NBEA: variants seen among roughly 807,000 people sequenced by gnomAD.
NBEA encodes neurobeachin, also known as lysosomal-trafficking regulator 2.
In NBEA, 44 loss-of-function variants were observed where a neutral mutation model predicts 343.4. The ratio of observed to expected loss-of-function variants is 0.13; its 90% CI spans 0.10 to 0.16. NBEA has a LOEUF of 0.16. Among genes scored for constraint, NBEA ranks in the 10% least tolerant of loss-of-function variants. The pLI, the probability that NBEA is intolerant of heterozygous loss-of-function variation, is 1.00. For missense variants in NBEA, 2,555 were observed against 3,631.3 expected, an observed-to-expected ratio of 0.70 and a Z score of 7.62; for synonymous variants, 1,175 against 1,238.7, an observed-to-expected ratio of 0.95 and a Z score of 1.08.
chr13:35,494,681 A>G (rs1159738985), intron 41 of NBEA, among the ~76,000 whole-genome samples: 1 of 152,050 alleles, frequency 6.6e-6, no homozygotes, highest in Non-Finnish European at 1.5e-5. Context: ...ATCCAACCAT[A>G]TCAATAATAG....
At chr13:35,443,210 A>G (rs2045834191) in intron 39 of NBEA, among the ~76,000 whole-genome samples, 1 of 152,052 alleles carries the variant, frequency 6.6e-6, no homozygotes, top group Admixed American at 6.6e-5. Flanking sequence ...CTAAAGACGT[A>G]ATATTTATAT....
At chr13:35,587,398 T>C (rs181362822) in intron 46 of NBEA, among the ~76,000 whole-genome samples, 57 of 152,100 alleles carry the variant, frequency 3.7e-4, no homozygotes, top group African/African-American at 1.2e-3. Flanking sequence ...AACTAGAGAT[T>C]TTCACCCTGG....
chr13:35,502,243 TTTTG>T (rs1477806978), intron 41 of NBEA, among the ~76,000 whole-genome samples: 1 of 152,098 alleles, frequency 6.6e-6, no homozygotes, highest in Non-Finnish European at 1.5e-5. Context: ...TATAAAAAAT[TTTTG>T]TTTATTTTCT....
chr13:35,659,441 A>G (rs2084966482), intron 55 of NBEA, among the ~76,000 whole-genome samples: 1 of 152,262 alleles, frequency 6.6e-6, no homozygotes, highest in Admixed American at 6.5e-5. Flanking sequence ...TGTAATAGAT[A>G]GCTCTATTAA....
At chr13:35,302,510 G>A (rs2036621910) in intron 35 of NBEA, among the ~76,000 whole-genome samples, 1 of 152,120 alleles carries the variant, frequency 6.6e-6, no homozygotes, top group South Asian at 2.1e-4. Flanking sequence ...AATATTAGGT[G>A]GAACCACTTT....
intron 41 of NBEA, among the ~76,000 whole-genome samples, chr13:35,478,017 G>T (rs1424891611): frequency 6.6e-6 from 1 of 152,032 alleles, no homozygotes; most frequent in Non-Finnish European, 1.5e-5. Flanking sequence ...TAATTTAGAT[G>T]CCACGTCTTT....
intron 40 of NBEA, among the ~76,000 whole-genome samples, chr13:35,454,877 A>C (rs577538703): frequency 6.6e-6 from 1 of 152,030 alleles, no homozygotes; most frequent in Admixed American, 6.6e-5. Context: ...TAAATAAAAA[A>C]TAAATAAAAA....
chr13:35,286,802 G>C (rs1187362401), intron 34 of NBEA, among the ~76,000 whole-genome samples: 1 of 151,768 alleles, frequency 6.6e-6, no homozygotes. Flanking sequence ...GTTTTATCTT[G>C]TTTTTTAGTG....
At chr13:35,319,289 T>G (rs1480069903) in intron 36 of NBEA, among the ~76,000 whole-genome samples, 1 of 152,226 alleles carries the variant, frequency 6.6e-6, no homozygotes, top group Non-Finnish European at 1.5e-5. Context: ...GAGATTCTGG[T>G]ACATTGTGTC....
chr13:35,001,898 C>T (rs2061154448), intron 1 of NBEA, among the ~76,000 whole-genome samples: 1 of 152,048 alleles, frequency 6.6e-6, no homozygotes, highest in Admixed American at 6.6e-5. Flanking sequence ...ACATTGTATG[C>T]ATTGAAATAT....
At chr13:35,391,583 G>T (rs1293742293) in intron 38 of NBEA, among the ~76,000 whole-genome samples, 1 of 152,148 alleles carries the variant, frequency 6.6e-6, no homozygotes, top group African/African-American at 2.4e-5. Context: ...TTGCTTAAAA[G>T]AATGTTATAC....
intron 37 of NBEA, among the ~76,000 whole-genome samples, chr13:35,350,729 T>C (rs190181523): frequency 2.2e-3 from 25 of 11,236 alleles, no homozygotes; most frequent in East Asian, 0.019. Flanking sequence ...GAGCTATTGA[T>C]GTGTGTGTGT....
At chr13:35,199,610 C>T (rs2072875938) in intron 31 of NBEA, among the ~76,000 whole-genome samples, 1 of 152,000 alleles carries the variant, frequency 6.6e-6, no homozygotes, top group Non-Finnish European at 1.5e-5. Context: ...TTATACTTAT[C>T]CTGGATTTTA....
At chr13:35,158,239 C>T (rs1385354654) in intron 21 of NBEA, among the ~76,000 whole-genome samples, 2 of 151,880 alleles carry the variant, frequency 1.3e-5, no homozygotes, top group African/African-American at 4.8e-5. Flanking sequence ...GGATGGTCCC[C>T]CCAATCTAAA....
At chr13:35,644,522 C>G (rs2084125231) in intron 49 of NBEA, among the ~76,000 whole-genome samples, 1 of 152,188 alleles carries the variant, frequency 6.6e-6, no homozygotes, top group Non-Finnish European at 1.5e-5. Flanking sequence ...GTGCAAGACA[C>G]TGATCTAGAG....
chr13:35,384,195 G>C (rs1174824796), intron 38 of NBEA, among the ~76,000 whole-genome samples: 3 of 152,162 alleles, frequency 2.0e-5, no homozygotes, highest in African/African-American at 7.2e-5. Flanking sequence ...TTAATTTTCA[G>C]ATGCTAATAT....
At chr13:35,354,218 A>T (rs1389027502) in intron 38 of NBEA, among the ~76,000 whole-genome samples, 1 of 152,180 alleles carries the variant, frequency 6.6e-6, no homozygotes, top group African/African-American at 2.4e-5. Context: ...CACTAACAAT[A>T]ACCTGAGCAT....
chr13:35,331,496 A>G (rs563279071), intron 36 of NBEA, among the ~76,000 whole-genome samples: 130 of 152,156 alleles, frequency 8.5e-4, no homozygotes, highest in African/African-American at 3.1e-3. Context: ...TCTGTAATCT[A>G]TATATAATGA....
chr13:35,141,090 C>G (rs2068063159), intron 17 of NBEA, among the ~76,000 whole-genome samples: 1 of 152,028 alleles, frequency 6.6e-6, no homozygotes, highest in Admixed American at 6.6e-5. Context: ...TCACACTTAG[C>G]TATAAGAGAG....
Sources: allele counts gnomAD v4.1 joint callset (sites outside exome capture counted in the v4.1 genomes callset), GRCh38; gene constraint gnomAD v4.1.1; transcripts MANE v1.5; gene names NCBI Gene and HGNC (gene_info 2026-07-23, HGNC 2026-07-21).